The following WWOX variants were observed in gnomAD, a reference collection of about 807,000 sequenced individuals.
WWOX encodes WW domain containing oxidoreductase.
In WWOX, 69 loss-of-function variants were observed where a neutral mutation model predicts 46.2. The ratio of observed to expected loss-of-function variants is 1.49; its 90% CI spans 1.23 to 1.82. WWOX has a LOEUF of 1.82. Ranked by LOEUF, WWOX falls within the 40% of genes most tolerant of loss-of-function variation. The pLI, the probability that WWOX is intolerant of heterozygous loss-of-function variation, is 0.00. For synonymous variants in WWOX, 359 were observed against 202.6 expected (o/e 1.77, Z -6.56); for missense variants, 919 against 542.6 (o/e 1.69, Z -6.89).
intron 8 of WWOX, among the ~76,000 whole-genome samples, chr16:78,998,393 C>T (rs1170333170): frequency 6.6e-6 from 1 of 152,160 alleles, no homozygotes; most frequent in African/African-American, 2.4e-5. Flanking sequence ...GCAGAGCCTA[C>T]TGCCTTCACA....
intron 8 of WWOX, among the ~76,000 whole-genome samples, chr16:78,698,820 C>G (rs1225275861): frequency 6.6e-6 from 1 of 152,110 alleles, no homozygotes; most frequent in African/African-American, 2.4e-5. Context: ...CCACTGCACT[C>G]CAGCTGGGCA....
chr16:78,107,708 G>A (rs2032239822), intron 1 of WWOX, among the ~76,000 whole-genome samples: 1 of 152,142 alleles, frequency 6.6e-6, no homozygotes, highest in Non-Finnish European at 1.5e-5. Flanking sequence ...GGTGGCACGG[G>A]CTTCTAGTCC....
intron 8 of WWOX, among the ~76,000 whole-genome samples, chr16:78,512,820 G>C (rs2085394487): frequency 6.6e-6 from 1 of 152,312 alleles, no homozygotes. Context: ...TTTAAAAACA[G>C]AAACAGAGCA....
intron 8 of WWOX, among the ~76,000 whole-genome samples, chr16:78,770,707 G>T (rs1461182967): frequency 6.6e-6 from 1 of 150,674 alleles, no homozygotes; most frequent in African/African-American, 2.4e-5. Flanking sequence ...TGCCCCTATG[G>T]GAGCTTCGCA....
intron 6 of WWOX, among the ~76,000 whole-genome samples, chr16:78,390,392 C>G (rs186800115): frequency 1.5e-4 from 23 of 152,202 alleles, no homozygotes; most frequent in Admixed American, 2.0e-4. Context: ...TTGGAGGAAA[C>G]TCTCACCCAT....
chr16:79,146,414 G>C (rs1044222192), intron 8 of WWOX, among the ~76,000 whole-genome samples: 1 of 152,080 alleles, frequency 6.6e-6, no homozygotes, highest in African/African-American at 2.4e-5. Flanking sequence ...ATATCATCCT[G>C]TGTTGCTGCA....
chr16:78,437,456 A>C (rs1377513951), intron 8 of WWOX, among the ~76,000 whole-genome samples: 2 of 152,196 alleles, frequency 1.3e-5, no homozygotes, highest in East Asian at 3.8e-4. Flanking sequence ...TATCACTTTG[A>C]AATTAATTAA....
At chr16:78,635,438 G>C (rs1023262365) in intron 8 of WWOX, among the ~76,000 whole-genome samples, 4 of 152,148 alleles carry the variant, frequency 2.6e-5, no homozygotes, top group Non-Finnish European at 5.9e-5. Context: ...CCTTGACTGG[G>C]CAAGAAGGGA....
At chr16:78,159,672 G>GT (rs35468343) in intron 4 of WWOX, among the ~76,000 whole-genome samples, 9,150 of 54,872 alleles carry the variant, frequency 0.17, 700 homozygotes, top group East Asian at 0.27. Flanking sequence ...AAAATCTGTG[G>GT]TTTTTTTTTT....
chr16:78,891,933 T>C (rs1011388026), intron 8 of WWOX: 2 of 152,204 alleles, frequency 1.3e-5, no homozygotes, highest in Non-Finnish European at 1.5e-5. Flanking sequence ...TTCTTTGATA[T>C]GGTCAGTGTA....
chr16:78,994,969 C>CCT (rs1555508634), intron 8 of WWOX, among the ~76,000 whole-genome samples: 1 of 114,644 alleles, frequency 8.7e-6, no homozygotes, highest in Non-Finnish European at 1.7e-5. Flanking sequence ...TCTTCTTCTT[C>CCT]TTTTTTTTTT....
At chr16:78,213,923 G>A (rs868425687) in intron 5 of WWOX, among the ~76,000 whole-genome samples, 19 of 152,150 alleles carry the variant, frequency 1.2e-4, no homozygotes, top group Admixed American at 1.2e-3. Context: ...ACCTGTCCGG[G>A]GTGTGAGCAT....
intron 8 of WWOX, chr16:79,203,859 G>A (rs2051422884): frequency 6.6e-6 from 1 of 152,150 alleles, no homozygotes; most frequent in Admixed American, 6.5e-5. Context: ...TTTATACGCA[G>A]TACACGAGCT....
chr16:78,326,584 C>G lies in WWOX; in HGVS notation c.517-60276C>G, dbSNP rs1173862585. Among the ~76,000 whole-genome samples the G allele has an allele frequency of 6.0e-5, 6 of 100,808 alleles. No homozygotes were observed. In the East Asian group the frequency reaches 1.4e-3, roughly 24 times the overall value. The allele number at this position is 100,808 out of a possible 152,430, so 66.1% of individuals were successfully genotyped here. A position where few individuals can be genotyped will look rare whatever the true frequency, so the allele number is the denominator to read the frequency against. ...TCTGCCTGCCCTCCCCCCGCCCCCCCCCCCCGCAATGCCTCAATCTGTGGC... is the reference window on the plus strand; with the variant it reads ...TCTGCCTGCCCTCCCCCCGCCCCCCGCCCCCGCAATGCCTCAATCTGTGGC... On this transcript the variant is annotated intron_variant, in intron 5 of 8. Coordinates refer to ENST00000566780, the MANE Select transcript of WWOX (RefSeq NM_016373.4).
intron 8 of WWOX, chr16:79,016,730 C>G (rs1174491923): frequency 6.6e-6 from 1 of 152,158 alleles, no homozygotes; most frequent in Non-Finnish European, 1.5e-5. Flanking sequence ...GCTAGGAACT[C>G]CTGTTTCTGT....
intron 8 of WWOX, among the ~76,000 whole-genome samples, chr16:78,886,665 AT>A (rs1412541154): frequency 2.1e-5 from 3 of 143,700 alleles, no homozygotes; most frequent in Non-Finnish European, 4.5e-5. Flanking sequence ...TATGTAAAAT[AT>A]ATATATGAAG....
At chr16:78,253,266 G>A (rs1473865550) in intron 5 of WWOX, among the ~76,000 whole-genome samples, 1 of 152,092 alleles carries the variant, frequency 6.6e-6, no homozygotes, top group Non-Finnish European at 1.5e-5. Flanking sequence ...CACTTAGCAT[G>A]TCTGAAGCCA....
intron 8 of WWOX, among the ~76,000 whole-genome samples, chr16:79,196,651 C>A: frequency 6.6e-6 from 1 of 152,190 alleles, no homozygotes; most frequent in Non-Finnish European, 1.5e-5. Context: ...CCCCCACCCT[C>A]CAGTTCTCAT....
At chr16:78,319,206 C>G (rs1329402293) in intron 5 of WWOX, among the ~76,000 whole-genome samples, 1 of 152,086 alleles carries the variant, frequency 6.6e-6, no homozygotes, top group Non-Finnish European at 1.5e-5. Context: ...TAGGCAGCCT[C>G]TAGAAGGTGG....
Sources: gnomAD v4.1 joint callset for allele counts (sites outside exome capture counted in the v4.1 genomes callset) on GRCh38, gnomAD v4.1.1 for gene constraint, MANE v1.5 for transcripts, NCBI Gene and HGNC (gene_info 2026-07-23, HGNC 2026-07-21) for gene names.